The following NAV3 variants were observed in gnomAD, a reference collection of about 807,000 sequenced individuals.
The protein encoded by NAV3 is pore membrane and/or filament interacting like protein 1.
A neutral mutation model predicts 244.7 loss-of-function variants in NAV3; 87 were observed. The ratio of observed to expected loss-of-function variants is 0.36; its 90% CI spans 0.30 to 0.42. The LOEUF is 0.42. Ranked by LOEUF, NAV3 falls within the 20% of genes least tolerant of loss-of-function variation. NAV3 has a pLI of 1.00. For missense variants in NAV3, 2,663 were observed against 2,893.3 expected, an observed-to-expected ratio of 0.92 and a Z score of 1.83; for synonymous variants, 1,126 against 1,042.2, an observed-to-expected ratio of 1.08 and a Z score of -1.55.
chr12:77,646,531 A>G (rs1256971684), intron 2 of NAV3, among the ~76,000 whole-genome samples: 1 of 152,118 alleles, frequency 6.6e-6, no homozygotes, highest in Non-Finnish European at 1.5e-5. Flanking sequence ...CCTCTGTTCT[A>G]TAAAGGGAGG....
At chr12:77,766,127 G>C in intron 2 of NAV3, among the ~76,000 whole-genome samples, 1 of 152,288 alleles carries the variant, frequency 6.6e-6, no homozygotes, top group Admixed American at 6.5e-5. Flanking sequence ...GACTTATCCA[G>C]GCTGTCTATT....
intron 2 of NAV3, among the ~76,000 whole-genome samples, chr12:77,750,815 A>T (rs1868812605): frequency 6.6e-6 from 1 of 152,212 alleles, no homozygotes; most frequent in Non-Finnish European, 1.5e-5. Context: ...CTGGCAAAAA[A>T]TAATTTAAGA....
chr12:78,049,368 A>C (rs546651292), intron 9 of NAV3, among the ~76,000 whole-genome samples: 1 of 152,244 alleles, frequency 6.6e-6, no homozygotes, highest in Non-Finnish European at 1.5e-5. Flanking sequence ...CCTGGTGTGC[A>C]TGTTGTGAAG....
intron 2 of NAV3, among the ~76,000 whole-genome samples, chr12:77,784,094 G>A (rs978531221): frequency 6.6e-6 from 1 of 152,020 alleles, no homozygotes; most frequent in Non-Finnish European, 1.5e-5. Flanking sequence ...ATTTAATAGA[G>A]ACTTTCTGAG....
At chr12:77,982,222 A>AGTACCTAAATATTT (rs1593189507) in intron 5 of NAV3, among the ~76,000 whole-genome samples, 23 of 128,700 alleles carry the variant, frequency 1.8e-4, no homozygotes, top group Admixed American at 3.3e-4. Flanking sequence ...TGGCTTAATG[A>AGTACCTAAATATTT]AAGATGATTT....
In NAV3 at chr12:78,119,275, G is replaced by T. The variant is rs566119396; in HGVS notation, c.3079G>T (p.Ala1027Ser). The T allele has an allele frequency of 2.7e-5, 44 of 1,613,308 alleles. No homozygotes were observed. In the South Asian group the frequency reaches 4.7e-4, roughly 17 times the overall value. Residue 1027 changes from alanine to serine, a missense_variant, in exon 15 of 40, where the codon GCT becomes TCT. Around this residue, in one of 6 missense-constraint regions of NAV3, gnomAD observed 1,521 missense variants for 1,497.0 expected, o/e 1.02. Coordinates refer to ENST00000397909, the MANE Select transcript of NAV3 (RefSeq NM_001024383.2). Reference sequence around the variant, plus strand: ...TGCCAAAGCTTCTGAGAAAGGAAAAGCTCCCCTAAAAGGATCATCTCTACA... The same window carrying T: ...TGCCAAAGCTTCTGAGAAAGGAAAATCTCCCCTAAAAGGATCATCTCTACA... ...DDAKASEKGKAPLKGSSLQRS... is the reference protein window; with the variant it reads ...DDAKASEKGKSPLKGSSLQRS...
chr12:77,647,164 A>G (rs1480643993), intron 2 of NAV3, among the ~76,000 whole-genome samples: 1 of 152,114 alleles, frequency 6.6e-6, no homozygotes, highest in African/African-American at 2.4e-5. Context: ...GAAATATCTC[A>G]GTGCCATTAA....
chr12:78,136,382 A>G (rs982215208), intron 18 of NAV3, among the ~76,000 whole-genome samples: 3 of 152,224 alleles, frequency 2.0e-5, no homozygotes, highest in Non-Finnish European at 4.4e-5. Flanking sequence ...TGTACATACA[A>G]TCAACCAAAT....
At chr12:77,592,048 A>G (rs1033959257) in intron 2 of NAV3, among the ~76,000 whole-genome samples, 6 of 149,336 alleles carry the variant, frequency 4.0e-5, no homozygotes, top group African/African-American at 1.5e-4. Context: ...GGCAGGCACC[A>G]CAGGAGCTTC....
chr12:78,133,454 C>G (rs773654430), intron 18 of NAV3, among the ~76,000 whole-genome samples: 33 of 150,868 alleles, frequency 2.2e-4, no homozygotes, highest in Non-Finnish European at 4.0e-4. Context: ...TTAGCATCAC[C>G]CATTTTTGAT....
chr12:77,800,104 C>A (rs1402898058), intron 2 of NAV3, among the ~76,000 whole-genome samples: 1 of 152,104 alleles, frequency 6.6e-6, no homozygotes, highest in Non-Finnish European at 1.5e-5. Flanking sequence ...TAATAATAGT[C>A]TCATCCTGTC....
chr12:77,955,823 T>C (rs745413566), intron 3 of NAV3, among the ~76,000 whole-genome samples: 3 of 152,118 alleles, frequency 2.0e-5, no homozygotes, highest in Non-Finnish European at 4.4e-5. Flanking sequence ...TGAGCCAAGA[T>C]TGTGCTACTG....
intron 34 of NAV3, among the ~76,000 whole-genome samples, chr12:78,194,434 C>T (rs1369352171): frequency 6.6e-6 from 1 of 151,962 alleles, no homozygotes. Flanking sequence ...AATATCTTTT[C>T]ATAATTAAAA....
chr12:78,022,892 G>A (rs957989290), intron 9 of NAV3, among the ~76,000 whole-genome samples: 3 of 152,164 alleles, frequency 2.0e-5, no homozygotes, highest in East Asian at 1.9e-4. Flanking sequence ...AACATTAGGC[G>A]TCAGAGGTTT....
At chr12:77,705,239 C>T (rs570939431) in intron 2 of NAV3, among the ~76,000 whole-genome samples, 6 of 151,486 alleles carry the variant, frequency 4.0e-5, no homozygotes, top group African/African-American at 9.8e-5. Context: ...GCCAACATAG[C>T]GAAACCCTGT....
chr12:77,725,587 T>C (rs530858789), intron 2 of NAV3, among the ~76,000 whole-genome samples: 1 of 151,710 alleles, frequency 6.6e-6, no homozygotes, highest in Admixed American at 6.6e-5. Context: ...TCAGAGAAAG[T>C]GGTAGTTGTA....
intron 22 of NAV3, among the ~76,000 whole-genome samples, chr12:78,153,068 G>C (rs1957137523): frequency 6.6e-6 from 1 of 151,780 alleles, no homozygotes; most frequent in Non-Finnish European, 1.5e-5. Context: ...CCTTTATTTG[G>C]GGTGTTTTTT....
At chr12:77,935,751 G>T (rs1593046648) in intron 1 of NAV3, among the ~76,000 whole-genome samples, 1 of 152,152 alleles carries the variant, frequency 6.6e-6, no homozygotes, top group African/African-American at 2.4e-5. Context: ...GGCTCCAAAG[G>T]TAGCATGGCT....
chr12:77,626,587 A>G (rs973537314), intron 2 of NAV3, among the ~76,000 whole-genome samples: 6 of 152,114 alleles, frequency 3.9e-5, no homozygotes, highest in African/African-American at 1.4e-4. Context: ...TCTCCATCAG[A>G]CCAACATGGA....
Sources: gnomAD v4.1 joint callset for allele counts (sites outside exome capture counted in the v4.1 genomes callset) on GRCh38, gnomAD v4.1.1 for gene constraint, gnomAD v4.1.1 regional missense constraint, MANE v1.5 for transcripts, NCBI Gene and HGNC (gene_info 2026-07-23, HGNC 2026-07-21) for gene names.